The following ASB7 variants were observed in gnomAD, a reference collection of about 807,000 sequenced individuals.
ASB7 encodes the protein ankyrin repeat and SOCS box protein 7.
In ASB7, 4 loss-of-function variants were observed where a neutral mutation model predicts 32.5. The ratio of observed to expected loss-of-function variants is 0.12; its 90% CI spans 0.06 to 0.28. The LOEUF (loss-of-function observed/expected upper bound fraction) is 0.28, where lower values mean the gene tolerates loss of function less well. Ranked by LOEUF, ASB7 falls within the 10% of genes least tolerant of loss-of-function variation. The pLI is 1.00. For synonymous variants in ASB7, 172 were observed against 155.6 expected, an observed-to-expected ratio of 1.11 and a Z score of -0.78; for missense variants, 181 against 407.1, an observed-to-expected ratio of 0.44 and a Z score of 4.78.
In ASB7 at chr15:100,617,810, C is replaced by T. The variant is rs76381969; in HGVS notation, c.211+5383C>T. 8.2e-3 allele frequency among the ~76,000 whole-genome samples: 1,252 copies of T among 152,260 alleles called. 9 individuals are homozygous for T. Among genetic ancestry groups the T allele is most frequent in the Middle Eastern group, 0.02 (6 of 294 alleles). On this transcript the variant is annotated intron_variant, in intron 4 of 5. Coordinates refer to ENST00000332783, the MANE Select transcript of ASB7 (RefSeq NM_198243.3). ...GTAGAACCCATATCTGTTTTGCTTC[C>T]GTCAAGAAAGAAAGCGAAAACTAAC...
intron 4 of ASB7, among the ~76,000 whole-genome samples, chr15:100,627,774 G>A (rs893023496): frequency 6.6e-6 from 1 of 152,164 alleles, no homozygotes; most frequent in Non-Finnish European, 1.5e-5. Flanking sequence ...AGATTAAGAG[G>A]GAATGTCTGC....
At chr15:100,620,369 C>T (rs185242379) in intron 4 of ASB7, among the ~76,000 whole-genome samples, 6 of 152,250 alleles carry the variant, frequency 3.9e-5, no homozygotes, top group Admixed American at 2.0e-4. Context: ...CTAGGGAACA[C>T]GTGGATATGA....
chr15:100,638,637 A>G (rs1370376403), intron 5 of ASB7, among the ~76,000 whole-genome samples: 4 of 152,228 alleles, frequency 2.6e-5, no homozygotes, highest in African/African-American at 9.6e-5. Context: ...TTTGTTGACG[A>G]GTGTGAACAA....
intron 4 of ASB7, among the ~76,000 whole-genome samples, chr15:100,620,617 TA>T (rs1257635634): frequency 6.8e-6 from 1 of 148,040 alleles, no homozygotes; most frequent in Non-Finnish European, 1.5e-5. Flanking sequence ...GGGATGCATA[TA>T]ATAGCACGTC....
chr15:100,615,985 T>A (rs1011320654), intron 4 of ASB7, among the ~76,000 whole-genome samples: 1 of 152,232 alleles, frequency 6.6e-6, no homozygotes, highest in Admixed American at 6.5e-5. Flanking sequence ...CTTGACTAAC[T>A]CCTAGAAGTG....
At chr15:100,645,677 A>G in intron 5 of ASB7, 1 of 1,482,146 alleles carries the variant, frequency 6.7e-7, no homozygotes, top group Non-Finnish European at 9.4e-7. Context: ...GGACGGCAAC[A>G]CGAAAGAACC....
intron 4 of ASB7, among the ~76,000 whole-genome samples, chr15:100,620,824 A>C (rs1423625048): frequency 6.6e-6 from 1 of 152,260 alleles, no homozygotes; most frequent in Non-Finnish European, 1.5e-5. Context: ...GTCTTAGTGC[A>C]TTTATTCATC....
chr15:100,641,874 G>A lies in ASB7; in HGVS notation c.818-6449G>A, dbSNP rs146776056. Among the ~76,000 whole-genome samples the A allele has an allele frequency of 6.4e-4, 98 of 152,304 alleles. 2 individuals carry two copies. Among genetic ancestry groups the A allele is most frequent in the East Asian group, 6.4e-3 (33 of 5,174 alleles). ...TTAACTTGTTTAATGCTTGTAAAGCGTTTGAGGTGAGTGTGATTATTATGA... is the reference window on the plus strand; with the variant it reads ...TTAACTTGTTTAATGCTTGTAAAGCATTTGAGGTGAGTGTGATTATTATGA... On this transcript the variant is annotated intron_variant, in intron 5 of 5. Coordinates refer to ENST00000332783, the MANE Select transcript of ASB7 (RefSeq NM_198243.3).
chr15:100,603,990 G>C (rs2039609831), intron 2 of ASB7, among the ~76,000 whole-genome samples: 1 of 152,180 alleles, frequency 6.6e-6, no homozygotes. Context: ...ATGTGGATGG[G>C]CTTTGAAACT....
At chr15:100,617,162 C>A (rs1391084013) in intron 4 of ASB7, among the ~76,000 whole-genome samples, 1 of 152,204 alleles carries the variant, frequency 6.6e-6, no homozygotes, top group African/African-American at 2.4e-5. Context: ...AAACATTCCT[C>A]ACCAGGACTG....
intron 5 of ASB7, chr15:100,645,501 C>G (rs1207144952): frequency 3.2e-6 from 2 of 621,816 alleles, no homozygotes; most frequent in African/African-American, 3.6e-5. Context: ...TCTGTCTAGT[C>G]TGCTCTCAGA....
At chr15:100,628,727 A>G (rs1007704540) in intron 4 of ASB7, among the ~76,000 whole-genome samples, 2 of 152,202 alleles carry the variant, frequency 1.3e-5, no homozygotes, top group African/African-American at 4.8e-5. Context: ...GAGATCAGTC[A>G]ATTAGGAGAG....
intron 5 of ASB7, chr15:100,646,058 T>G (rs996304160): frequency 2.5e-6 from 1 of 407,922 alleles, no homozygotes; most frequent in Non-Finnish European, 4.9e-6. Flanking sequence ...CAGGAGCCAC[T>G]GCAAAATTTA....
chr15:100,622,112 A>G (rs544430241), intron 4 of ASB7, among the ~76,000 whole-genome samples: 24 of 152,286 alleles, frequency 1.6e-4, no homozygotes, highest in Admixed American at 1.5e-3. Flanking sequence ...ATACAAAATC[A>G]ACATACAAAA....
intron 5 of ASB7, among the ~76,000 whole-genome samples, chr15:100,632,671 GTA>G (rs1258573686): frequency 1.3e-5 from 2 of 152,152 alleles, no homozygotes; most frequent in African/African-American, 4.8e-5. Flanking sequence ...GACTGCCGAG[GTA>G]TAAGGACAGC....
At chr15:100,618,261 T>A (rs987042828) in intron 4 of ASB7, among the ~76,000 whole-genome samples, 4 of 151,848 alleles carry the variant, frequency 2.6e-5, no homozygotes, top group African/African-American at 9.7e-5. Flanking sequence ...GGACTACAGG[T>A]GTGTGCCACC....
chr15:100,612,748 GC>G (rs2039707844), intron 4 of ASB7, among the ~76,000 whole-genome samples: 1 of 152,198 alleles, frequency 6.6e-6, no homozygotes, highest in Non-Finnish European at 1.5e-5. Context: ...GCTGTGGTAT[GC>G]CCATAATTAG....
At chr15:100,640,818 C>G (rs1300952113) in intron 5 of ASB7, among the ~76,000 whole-genome samples, 3 of 152,024 alleles carry the variant, frequency 2.0e-5, no homozygotes, top group Non-Finnish European at 2.9e-5. Context: ...TGCCGCTGGC[C>G]CTGGTTTTGT....
intron 5 of ASB7, among the ~76,000 whole-genome samples, chr15:100,633,331 C>T (rs1400828955): frequency 6.6e-6 from 1 of 151,920 alleles, no homozygotes; most frequent in Admixed American, 6.6e-5. Flanking sequence ...AATCCTAGCA[C>T]TTTGGGAGGC....
Sources: gnomAD v4.1 joint callset for allele counts (sites outside exome capture counted in the v4.1 genomes callset) on GRCh38, gnomAD v4.1.1 for gene constraint, MANE v1.5 for transcripts, NCBI Gene and HGNC (gene_info 2026-07-23, HGNC 2026-07-21) for gene names.